The following NOS1AP variants were observed in gnomAD, a reference collection of about 807,000 sequenced individuals.
NOS1AP encodes carboxyl-terminal PDZ ligand of neuronal nitric oxide synthase protein.
NOS1AP carries 21 observed loss-of-function variants against 56.2 expected under a neutral mutation model. The observed-to-expected ratio is 0.37, with a 90% CI of 0.26 to 0.54. The LOEUF (loss-of-function observed/expected upper bound fraction) is 0.54, where lower values mean the gene tolerates loss of function less well. NOS1AP is among the 20% of genes least tolerant of loss of function. The probability of loss-of-function intolerance (pLI) is 0.84; values close to 1 mark genes in which losing one functional copy is unlikely to be tolerated. For synonymous variants in NOS1AP, 270 were observed against 274.6 expected (o/e 0.98, Z 0.17); for missense variants, 522 against 657.8 (o/e 0.79, Z 2.26).
chr1:162,281,723 G>A lies in NOS1AP; in HGVS notation c.178-5621G>A, dbSNP rs78781688. Among the ~76,000 whole-genome samples the A allele has an allele frequency of 5.8e-3, 887 of 152,330 alleles. 12 individuals are homozygous for A. The highest frequency in any genetic ancestry group is 0.043 in the East Asian group (224 of 5,188). On this transcript the variant is annotated intron_variant, in intron 2 of 9. Coordinates refer to ENST00000361897, the MANE Select transcript of NOS1AP (RefSeq NM_014697.3). ...GGGGGAGTTCCAGAAATATCATTTC[G>A]TGAGCAGAATTTAAGTGGACTTGCC...
chr1:162,354,190 C>T (rs1657613604), intron 6 of NOS1AP, among the ~76,000 whole-genome samples: 1 of 152,252 alleles, frequency 6.6e-6, no homozygotes, highest in Non-Finnish European at 1.5e-5. Flanking sequence ...AGCACTGGGG[C>T]ATCAGCTCTG....
chr1:162,292,792 AAC>A (rs1389167374), intron 3 of NOS1AP, among the ~76,000 whole-genome samples: 1 of 152,250 alleles, frequency 6.6e-6, no homozygotes, highest in Middle Eastern at 3.2e-3. Flanking sequence ...TTACTATGGA[AAC>A]ACAGAAGTCA....
chr1:162,345,134 G>A (rs1049748066), intron 6 of NOS1AP, among the ~76,000 whole-genome samples: 1 of 148,672 alleles, frequency 6.7e-6, no homozygotes, highest in African/African-American at 2.5e-5. Flanking sequence ...AATTTAACAT[G>A]ACAATACAGA....
Position 162,297,139 on chromosome 1 carries a change from G to A in NOS1AP, c.271-3494G>A, listed in dbSNP as rs527278532. ...ATGCAGCATAAACCAAATCACCCTC[G>A]TTCAGACCCTCTTTGGGGCTGCTTT... On this transcript the variant is annotated intron_variant, in intron 3 of 9. Transcript: ENST00000361897. Among the ~76,000 whole-genome samples the A allele has an allele frequency of 3.9e-5, 6 of 152,282 alleles. No homozygotes were observed. The South Asian group carries it at 6.2e-4, about 16-fold the overall frequency.
intron 2 of NOS1AP, among the ~76,000 whole-genome samples, chr1:162,158,702 C>T (rs1304984344): frequency 6.6e-6 from 1 of 152,202 alleles, no homozygotes; most frequent in Non-Finnish European, 1.5e-5. Flanking sequence ...TACTTTCCCC[C>T]TCTCTGTGCC....
chr1:162,148,369 C>T (rs1649570922), intron 1 of NOS1AP, among the ~76,000 whole-genome samples: 1 of 152,186 alleles, frequency 6.6e-6, no homozygotes, highest in African/African-American at 2.4e-5. Context: ...GTGTTCTAGA[C>T]AGGAGAATTG....
At chr1:162,081,774 A>ATATTTTTTTTTTTTTTTTTTTTTTTTTT in intron 1 of NOS1AP, among the ~76,000 whole-genome samples, 1 of 44,060 alleles carries the variant, frequency 2.3e-5, no homozygotes, top group African/African-American at 7.7e-5. Context: ...ATATATATAT[A>ATATTTTTTTTTTTTTTTTTTTTTTTTTT]TTTTTTTTTT....
Position 162,261,006 on chromosome 1 carries a change from C to T in NOS1AP, c.178-26338C>T, listed in dbSNP as rs986801646. On this transcript the variant is annotated intron_variant, in intron 2 of 9. Coordinates refer to ENST00000361897, the MANE Select transcript of NOS1AP (RefSeq NM_014697.3). The stretch of plus-strand genomic sequence containing the variant: ...ATTTCATTAGAATTTGTTATATTCC[C>T]AAGGTGACTAATATAACAAATTAGA... 2.1e-4 allele frequency among the ~76,000 whole-genome samples: 21 copies of T among 98,314 alleles called. 5 individuals are homozygous for T. Among genetic ancestry groups the T allele is most frequent in the African/African-American group, 8.7e-4 (21 of 24,006 alleles). 64.5% of individuals were successfully genotyped at this position (98,314 alleles called of 152,430 possible). A position where few individuals can be genotyped will look rare whatever the true frequency, so the allele number is the denominator to read the frequency against.
In NOS1AP at chr1:162,136,290, T is replaced by TA. The variant is rs1388099165; in HGVS notation, c.106-18115_106-18114insA. Among the ~76,000 whole-genome samples, 50 of 152,258 alleles carry TA rather than the reference T, an allele frequency of 3.3e-4. 1 individual carries two copies. Among genetic ancestry groups the TA allele is most frequent in the African/African-American group, 1.2e-3 (48 of 41,536 alleles). ...GGGATTCTTTATTTATTTATTTATTTTTTAATGTATGGTGTTATTTGACCA... is the reference window on the plus strand; with the variant it reads ...GGGATTCTTTATTTATTTATTTATTTATTTAATGTATGGTGTTATTTGACCA... On this transcript the variant is annotated intron_variant, in intron 1 of 9. Coordinates refer to ENST00000361897, the MANE Select transcript of NOS1AP (RefSeq NM_014697.3).
At chr1:162,317,807 A>C (rs186720371) in intron 4 of NOS1AP, 1 of 152,400 alleles carries the variant, frequency 6.6e-6, no homozygotes, top group East Asian at 1.9e-4. Context: ...AGTCAGTAAC[A>C]GATGGGTGAA....
At chr1:162,323,321 A>G (rs1036605517) in intron 4 of NOS1AP, among the ~76,000 whole-genome samples, 7 of 152,244 alleles carry the variant, frequency 4.6e-5, no homozygotes, top group African/African-American at 1.7e-4. Flanking sequence ...GAGCCTCTAG[A>G]AGGAATCAGC....
At chr1:162,291,072 G>A (rs549643645) in intron 3 of NOS1AP, among the ~76,000 whole-genome samples, 11 of 151,678 alleles carry the variant, frequency 7.3e-5, no homozygotes, top group African/African-American at 1.9e-4. Context: ...GTCTGAGTGG[G>A]TCACTATGTT....
chr1:162,273,939 A>T (rs1654663813), intron 2 of NOS1AP, among the ~76,000 whole-genome samples: 1 of 152,196 alleles, frequency 6.6e-6, no homozygotes. Context: ...TTATATGGAT[A>T]TACCACAATT....
Position 162,366,954 on chromosome 1 carries a change from A to G in NOS1AP, c.1106-98A>G, listed in dbSNP as rs1658105968. 7.1e-6 allele frequency: 10 copies of G among 1,399,406 alleles called. No homozygotes were observed. In the East Asian group the frequency reaches 2.3e-4, roughly 32 times the overall value. The allele number at this position is 1,399,406 out of a possible 1,614,324, so 86.7% of individuals were successfully genotyped here. A position where few individuals can be genotyped will look rare whatever the true frequency, so the allele number is the denominator to read the frequency against. ...AGAGGTGCTGCTAAGCTGGTCTGGG[A>G]AGGGCTTTGGCAGGGCACGGGCGGG... is the stretch of plus-strand genomic sequence containing the variant. On this transcript the variant is annotated intron_variant, in intron 9 of 9. Transcript: ENST00000361897.
intron 1 of NOS1AP, among the ~76,000 whole-genome samples, chr1:162,147,018 G>C (rs1649490352): frequency 6.6e-6 from 1 of 152,162 alleles, no homozygotes; most frequent in Admixed American, 6.5e-5. Context: ...AGAATAATCT[G>C]ATGCATTTAT....
At chr1:162,353,781 TC>T in intron 6 of NOS1AP, among the ~76,000 whole-genome samples, 1 of 152,198 alleles carries the variant, frequency 6.6e-6, no homozygotes, top group South Asian at 2.1e-4. Flanking sequence ...AACGCTTAGT[TC>T]CCAGCACCAC....
At chr1:162,134,546 G>T (rs1648903878) in intron 1 of NOS1AP, among the ~76,000 whole-genome samples, 1 of 150,030 alleles carries the variant, frequency 6.7e-6, no homozygotes, top group African/African-American at 2.5e-5. Flanking sequence ...AGAGGAAGGA[G>T]AGTAGGGAAA....
At chr1:162,144,128 T>G (rs2102079007) in intron 1 of NOS1AP, among the ~76,000 whole-genome samples, 1 of 152,372 alleles carries the variant, frequency 6.6e-6, no homozygotes, top group East Asian at 1.9e-4. Flanking sequence ...TGCCCCACCA[T>G]TTTTCACTGA....
chr1:162,209,273 G>A (rs1652264008), intron 2 of NOS1AP, among the ~76,000 whole-genome samples: 1 of 152,170 alleles, frequency 6.6e-6, no homozygotes. Flanking sequence ...GTGTCTCAGG[G>A]ACTGTCTCAC....
Sources: gnomAD v4.1 joint callset for allele counts (sites outside exome capture counted in the v4.1 genomes callset) on GRCh38, gnomAD v4.1.1 for gene constraint, MANE v1.5 for transcripts, NCBI Gene and HGNC (gene_info 2026-07-23, HGNC 2026-07-21) for gene names.